The following MRTFB variants were observed in gnomAD, a reference collection of about 807,000 sequenced individuals.
MRTFB encodes the protein myocardin-related transcription factor B.
In MRTFB, 29 loss-of-function variants were observed where a neutral mutation model predicts 104.2. The ratio of observed to expected loss-of-function variants is 0.28; its 90% CI spans 0.21 to 0.38. The LOEUF (loss-of-function observed/expected upper bound fraction) is 0.38, where lower values mean the gene tolerates loss of function less well. Among genes scored for constraint, MRTFB ranks in the 10% least tolerant of loss-of-function variants. The pLI is 1.00. For synonymous variants in MRTFB, 535 were observed against 519.5 expected (o/e 1.03, Z -0.41); for missense variants, 1,270 against 1,341.6 (o/e 0.95, Z 0.83).
the MRTFB span, among the ~76,000 whole-genome samples, chr16:14,045,490 A>T: frequency 6.6e-6 from 1 of 152,216 alleles, no homozygotes; most frequent in Non-Finnish European, 1.5e-5. Flanking sequence ...GAGAACATAT[A>T]TCAGCAGATA....
chr16:14,159,597 C>A (rs2038951443), intron 3 of MRTFB, among the ~76,000 whole-genome samples: 1 of 152,162 alleles, frequency 6.6e-6, no homozygotes, highest in South Asian at 2.1e-4. Context: ...ATTACATGAT[C>A]TTTGTAACGC....
the MRTFB span, among the ~76,000 whole-genome samples, chr16:14,042,123 T>C: frequency 6.6e-6 from 1 of 150,818 alleles, no homozygotes; most frequent in East Asian, 1.9e-4. Flanking sequence ...TGTTATTTTC[T>C]GGGTTGTTTG....
In MRTFB at chr16:14,240,300, C is replaced by A; in HGVS notation, c.895C>A (p.Arg299=). 1 of 1,613,910 alleles carries A rather than the reference C, an allele frequency of 6.2e-7. No homozygotes were observed. Among genetic ancestry groups the A allele is most frequent in the Non-Finnish European group, 8.5e-7 (1 of 1,179,962 alleles). Residue 299 remains arginine, a synonymous_variant, in exon 10 of 17, where the codon CGG becomes AGG. Transcript: ENST00000571589. The stretch of plus-strand genomic sequence containing the variant: ...CAAAAAGTGCAAAGATCCCAAACCA[C>A]GGGTAAAGAAGTTAAAGTACCACCA... The part of the protein sequence containing the change: ...RSKKCKDPKP[R]VKKLKYHQYI...
At chr16:14,133,214 G>C (rs1361397483) in intron 2 of MRTFB, among the ~76,000 whole-genome samples, 5 of 152,206 alleles carry the variant, frequency 3.3e-5, no homozygotes, top group African/African-American at 9.6e-5. Context: ...AGATAGCCTT[G>C]ACCCTGTATC....
At chr16:14,245,013 G>A (rs2151391502) in intron 10 of MRTFB, among the ~76,000 whole-genome samples, 1 of 152,278 alleles carries the variant, frequency 6.6e-6, no homozygotes, top group East Asian at 1.9e-4. Context: ...GTGAGATGGG[G>A]CCAGTCAAGA....
At chr16:14,238,647 A>G (rs1410170054) in intron 9 of MRTFB, among the ~76,000 whole-genome samples, 1 of 152,214 alleles carries the variant, frequency 6.6e-6, no homozygotes, top group Non-Finnish European at 1.5e-5. Context: ...AGGATTGTAC[A>G]TGTGGATATT....
intron 2 of MRTFB, among the ~76,000 whole-genome samples, chr16:14,120,626 A>C (rs917993734): frequency 6.6e-6 from 1 of 152,226 alleles, no homozygotes; most frequent in African/African-American, 2.4e-5. Context: ...TCATCGGTTT[A>C]TAATACATTC....
intron 8 of MRTFB, among the ~76,000 whole-genome samples, chr16:14,233,382 A>G (rs1404787365): frequency 2.0e-5 from 3 of 152,182 alleles, no homozygotes; most frequent in Non-Finnish European, 4.4e-5. Context: ...TGGCATGGGC[A>G]TTCGGGAAGG....
intron 15 of MRTFB, among the ~76,000 whole-genome samples, chr16:14,255,568 A>T (rs1321757534): frequency 6.6e-6 from 1 of 152,212 alleles, no homozygotes; most frequent in Non-Finnish European, 1.5e-5. Flanking sequence ...AACTAAAGAT[A>T]TTTTCAGATA....
chr16:14,217,026 G>A (rs1226045372), intron 6 of MRTFB, 100 bp from the exon 7 acceptor site: 9 of 1,188,884 alleles, frequency 7.6e-6, no homozygotes, highest in African/African-American at 1.5e-5. Context: ...ACACAAAAAT[G>A]TGTCTAAATC....
At chr16:14,023,563 C>T in the MRTFB span, among the ~76,000 whole-genome samples, 2,309 of 150,816 alleles carry the variant, frequency 0.015, 15 homozygotes, top group Middle Eastern at 0.038. Context: ...GTAACAATAT[C>T]GGCCCCCAAG....
chr16:14,114,864 G>A (rs1411702748), intron 2 of MRTFB, among the ~76,000 whole-genome samples: 1 of 152,128 alleles, frequency 6.6e-6, no homozygotes, highest in Non-Finnish European at 1.5e-5. Context: ...CTTCCAAGGG[G>A]CTATCTGGCT....
chr16:14,127,568 C>T (rs981189790), intron 2 of MRTFB, among the ~76,000 whole-genome samples: 3 of 150,090 alleles, frequency 2.0e-5, no homozygotes, highest in Non-Finnish European at 4.4e-5. Context: ...GGCGTGAACC[C>T]GGGAGCAGAG....
the MRTFB span, among the ~76,000 whole-genome samples, chr16:14,033,370 A>T: frequency 1.0e-5 from 1 of 95,366 alleles, no homozygotes; most frequent in African/African-American, 4.1e-5. Flanking sequence ...ATATAGCAAG[A>T]CCTCATCTCT....
intron 6 of MRTFB, among the ~76,000 whole-genome samples, chr16:14,216,594 A>G (rs938738015): frequency 6.6e-6 from 1 of 152,200 alleles, no homozygotes; most frequent in African/African-American, 2.4e-5. Flanking sequence ...TGTATTCAGA[A>G]ATAAACCCAA....
the MRTFB span, among the ~76,000 whole-genome samples, chr16:14,040,508 G>C: frequency 6.6e-6 from 1 of 151,120 alleles, no homozygotes; most frequent in African/African-American, 2.4e-5. Flanking sequence ...TGTTGCCCAG[G>C]CTGAAGTGCA....
intron 3 of MRTFB, among the ~76,000 whole-genome samples, chr16:14,146,370 A>G (rs547491539): frequency 1.3e-5 from 2 of 152,346 alleles, no homozygotes; most frequent in South Asian, 4.1e-4. Flanking sequence ...CGGTATTACA[A>G]CGTTACTGCA....
chr16:14,036,138 TTA>T, the MRTFB span, among the ~76,000 whole-genome samples: 3 of 90,174 alleles, frequency 3.3e-5, no homozygotes, highest in African/African-American at 1.3e-4. Context: ...ATATTATATA[TTA>T]TATATATAAT....
At chr16:14,211,867 C>T (rs1241471224) in intron 4 of MRTFB, among the ~76,000 whole-genome samples, 1 of 152,150 alleles carries the variant, frequency 6.6e-6, no homozygotes, top group Non-Finnish European at 1.5e-5. Context: ...AAGGTTATTG[C>T]AGGGACCAAC....
Sources: gnomAD v4.1 joint callset for allele counts (sites outside exome capture counted in the v4.1 genomes callset) on GRCh38, gnomAD v4.1.1 for gene constraint, MANE v1.5 for transcripts, NCBI Gene and HGNC (gene_info 2026-07-23, HGNC 2026-07-21) for gene names.